Variants in HPSE2 observed in about 807,000 individuals in gnomAD.
HPSE2 encodes the protein inactive heparanase-2.
A neutral mutation model predicts 60.5 loss-of-function variants in HPSE2; 38 were observed. That is an observed-to-expected ratio of 0.63 (90% CI 0.48 to 0.82). The LOEUF (loss-of-function observed/expected upper bound fraction) is 0.82, where lower values mean the gene tolerates loss of function less well. Among genes scored for constraint, HPSE2 ranks in the 40% least tolerant of loss-of-function variants. HPSE2 has a pLI of 0.00. For missense variants in HPSE2, 713 were observed against 740.4 expected (o/e 0.96, Z 0.43); for synonymous variants, 295 against 293.2 (o/e 1.01, Z -0.06).
chr10:98,621,730 C>T (rs917773763), intron 7 of HPSE2, among the ~76,000 whole-genome samples: 2 of 152,210 alleles, frequency 1.3e-5, no homozygotes, highest in African/African-American at 2.4e-5. Context: ...ACCATTAACC[C>T]CTTGCCCCTC....
intron 2 of HPSE2, 134 bp downstream of exon 2, chr10:99,232,214 T>TACACACACACACACACACAC (rs59437000): frequency 4.5e-6 from 4 of 898,260 alleles, no homozygotes; most frequent in African/African-American, 3.6e-5. Flanking sequence ...CGCGCGCGCA[T>TACACACACACACACACACAC]ACACACACAC....
chr10:99,024,102 G>C lies in HPSE2; in HGVS notation c.610+120136C>G, dbSNP rs576833741. Among the ~76,000 whole-genome samples, 459 of 152,280 alleles carry C rather than the reference G, an allele frequency of 3.0e-3. 4 individuals carry two copies. Among genetic ancestry groups the C allele is most frequent in the South Asian group, 0.027 (128 of 4,826 alleles). On this transcript the variant is annotated intron_variant, in intron 3 of 11. Transcript: ENST00000370552. ...ACTCAAAGAAATTCAAGATAACCCA[G>C]AGAAGGAATTCAGAATTCTATCAGA...
At chr10:99,209,077 C>T (rs1055798795) in intron 2 of HPSE2, among the ~76,000 whole-genome samples, 5 of 152,090 alleles carry the variant, frequency 3.3e-5, no homozygotes, top group African/African-American at 7.2e-5. Flanking sequence ...CTACCTTCAG[C>T]GATTATCCAG....
chr10:99,211,616 C>T (rs1848956090), intron 2 of HPSE2, among the ~76,000 whole-genome samples: 1 of 152,060 alleles, frequency 6.6e-6, no homozygotes, highest in South Asian at 2.1e-4. Context: ...AGGGAAAAGA[C>T]AGCCTCTTCA....
intron 3 of HPSE2, among the ~76,000 whole-genome samples, chr10:98,845,754 C>G (rs1952019763): frequency 6.6e-6 from 1 of 152,182 alleles, no homozygotes; most frequent in Non-Finnish European, 1.5e-5. Flanking sequence ...CGTCTACTCT[C>G]CAGTGTGTCC....
chr10:99,010,272 T>C (rs1170761573), intron 3 of HPSE2, among the ~76,000 whole-genome samples: 1 of 152,226 alleles, frequency 6.6e-6, no homozygotes, highest in Non-Finnish European at 1.5e-5. Context: ...GCATAAAACA[T>C]TATAAAAGGT....
At chr10:98,975,680 C>T (rs1320937082) in intron 3 of HPSE2, among the ~76,000 whole-genome samples, 1 of 151,884 alleles carries the variant, frequency 6.6e-6, no homozygotes, top group African/African-American at 2.4e-5. Flanking sequence ...TGTTTGAAAC[C>T]CAGCTCATGT....
intron 3 of HPSE2, among the ~76,000 whole-genome samples, chr10:98,987,981 A>T (rs1386019596): frequency 1.3e-5 from 2 of 152,252 alleles, no homozygotes; most frequent in Non-Finnish European, 2.9e-5. Context: ...ACCACTTTTC[A>T]GTGAAATAAA....
chr10:98,520,385 A>G (rs1942749290), intron 9 of HPSE2, among the ~76,000 whole-genome samples: 1 of 152,240 alleles, frequency 6.6e-6, no homozygotes, highest in Admixed American at 6.5e-5. Flanking sequence ...AGGCTACAAC[A>G]TACAGACCAT....
At chr10:99,090,326 CATT>C (rs1419533096) in intron 3 of HPSE2, among the ~76,000 whole-genome samples, 1 of 152,084 alleles carries the variant, frequency 6.6e-6, no homozygotes, top group African/African-American at 2.4e-5. Flanking sequence ...CTAAAATGGT[CATT>C]ATTATATTCT....
At chr10:98,557,966 G>T (rs773259902) in intron 9 of HPSE2, among the ~76,000 whole-genome samples, 1 of 152,126 alleles carries the variant, frequency 6.6e-6, no homozygotes, top group Admixed American at 6.5e-5. Flanking sequence ...CAGACAGTTT[G>T]ATAGAAAAAT....
chr10:98,944,644 A>G (rs747021195), intron 3 of HPSE2, among the ~76,000 whole-genome samples: 15 of 152,038 alleles, frequency 9.9e-5, no homozygotes, highest in Non-Finnish European at 1.9e-4. Context: ...TAGAGGGGAG[A>G]AGGGATTAGA....
At chr10:98,879,166 G>A (rs1158610480) in intron 3 of HPSE2, among the ~76,000 whole-genome samples, 1 of 151,978 alleles carries the variant, frequency 6.6e-6, no homozygotes, top group Non-Finnish European at 1.5e-5. Flanking sequence ...GGAGGAGAGT[G>A]CCAGCAAGAT....
chr10:98,724,769 T>C (rs916533532), intron 4 of HPSE2, among the ~76,000 whole-genome samples: 1 of 152,176 alleles, frequency 6.6e-6, no homozygotes. Flanking sequence ...GTCTGTTTTA[T>C]CTGAGACTAG....
intron 5 of HPSE2, among the ~76,000 whole-genome samples, chr10:98,708,455 C>CA (rs35950365): frequency 0.024 from 2,816 of 119,632 alleles, 83 homozygotes; most frequent in African/African-American, 0.065. Flanking sequence ...GACTACGTCT[C>CA]AAAAAAAAAA....
chr10:98,990,619 C>T (rs1956500163), intron 3 of HPSE2, among the ~76,000 whole-genome samples: 2 of 152,184 alleles, frequency 1.3e-5, no homozygotes, highest in Non-Finnish European at 2.9e-5. Context: ...ACCATGAAAG[C>T]ACTTATAATA....
At chr10:99,222,362 C>T (rs1021303236) in intron 2 of HPSE2, among the ~76,000 whole-genome samples, 3 of 152,098 alleles carry the variant, frequency 2.0e-5, no homozygotes, top group African/African-American at 7.2e-5. Context: ...GTGTTCCCTA[C>T]TTGAATTTAA....
intron 2 of HPSE2, among the ~76,000 whole-genome samples, chr10:99,146,792 C>T (rs1451592549): frequency 1.3e-5 from 2 of 151,778 alleles, no homozygotes; most frequent in South Asian, 2.1e-4. Flanking sequence ...ACGCAGGAAG[C>T]GGAGGTTGCA....
At chr10:98,896,279 T>G (rs1953490983) in intron 3 of HPSE2, among the ~76,000 whole-genome samples, 3 of 152,092 alleles carry the variant, frequency 2.0e-5, no homozygotes, top group Non-Finnish European at 1.5e-5. Flanking sequence ...AAAGATTGGC[T>G]AATTATACAT....
Sources: gnomAD v4.1 joint callset for allele counts (sites outside exome capture counted in the v4.1 genomes callset) on GRCh38, gnomAD v4.1.1 for gene constraint, MANE v1.5 for transcripts, NCBI Gene and HGNC (gene_info 2026-07-23, HGNC 2026-07-21) for gene names.